CHST15: variants seen among roughly 807,000 people sequenced by gnomAD.
The protein encoded by CHST15 is carbohydrate sulfotransferase 15, also known as B cell RAG associated protein (GALNAC4S-6ST).
CHST15 carries 30 observed loss-of-function variants against 53.6 expected under a neutral mutation model. That is an observed-to-expected ratio of 0.56 (90% CI 0.42 to 0.76). The LOEUF is 0.76. CHST15 is among the 30% of genes least tolerant of loss of function. The pLI, the probability that CHST15 is intolerant of heterozygous loss-of-function variation, is 0.00. For missense variants in CHST15, 627 were observed against 740.5 expected (o/e 0.85, Z 1.78); for synonymous variants, 296 against 289.8 (o/e 1.02, Z -0.22).
intron 6 of CHST15, among the ~76,000 whole-genome samples, chr10:124,017,032 C>T (rs539321617): frequency 6.6e-6 from 1 of 152,246 alleles, no homozygotes; most frequent in South Asian, 2.1e-4. Context: ...AGGGCTTGCC[C>T]CCAGGGCGCT....
In CHST15 at chr10:124,049,683, C is replaced by A. The variant is rs79451998; in HGVS notation, c.-512-2959G>T. ...CACACCCTCCTCCACCATACCTCGC[C>A]CCATGCGTCTCATCTGCTGGCTGTT... On this transcript the variant is annotated intron_variant, in intron 1 of 7. Transcript: ENST00000435907. Among the ~76,000 whole-genome samples the A allele has an allele frequency of 4.8e-3, 731 of 152,300 alleles. 5 individuals are homozygous for A. Among genetic ancestry groups the A allele is most frequent in the Non-Finnish European group, 8.2e-3 (555 of 68,022 alleles).
chr10:124,049,783 T>C (rs1381734084), intron 1 of CHST15, among the ~76,000 whole-genome samples: 1 of 152,198 alleles, frequency 6.6e-6, no homozygotes, highest in Non-Finnish European at 1.5e-5. Flanking sequence ...TCTAGTGAAT[T>C]ACTGAACCTG....
chr10:124,066,118 T>C (rs1948743720), intron 1 of CHST15, among the ~76,000 whole-genome samples: 1 of 152,168 alleles, frequency 6.6e-6, no homozygotes, highest in South Asian at 2.1e-4. Flanking sequence ...AAATACCAGT[T>C]ACCTATCTAA....
chr10:124,052,465 C>T (rs1271162543), intron 1 of CHST15, among the ~76,000 whole-genome samples: 1 of 152,184 alleles, frequency 6.6e-6, no homozygotes, highest in Non-Finnish European at 1.5e-5. Context: ...GATTAGGATT[C>T]CAAGTCCATG....
intron 1 of CHST15, among the ~76,000 whole-genome samples, chr10:124,047,136 C>T (rs752659355): frequency 1.3e-5 from 2 of 152,166 alleles, no homozygotes; most frequent in Non-Finnish European, 2.9e-5. Context: ...CAGTGCTTTT[C>T]AGTCAATGAA....
chr10:124,045,002 G>A lies in CHST15; in HGVS notation c.547-83C>T, dbSNP rs112678770. Reference sequence around the variant, plus strand: ...TCTAACCGCAATGGGAACCTGCCCTGAGACTGACGACCGTGTTCAAATTTG... The same window carrying A: ...TCTAACCGCAATGGGAACCTGCCCTAAGACTGACGACCGTGTTCAAATTTG... On this transcript the variant is annotated intron_variant, in intron 2 of 7. Transcript: ENST00000435907. 1,321 of 864,828 alleles carry A rather than the reference G, an allele frequency of 1.5e-3. 16 individuals are homozygous for A. The African/African-American group carries it at 0.02, about 13-fold the overall frequency. 53.6% of individuals were successfully genotyped at this position (864,828 alleles called of 1,614,324 possible).
At chr10:124,086,447 C>T (rs1284598496) in intron 1 of CHST15, among the ~76,000 whole-genome samples, 2 of 152,288 alleles carry the variant, frequency 1.3e-5, no homozygotes, top group East Asian at 1.9e-4. Flanking sequence ...GGAAGGAGGG[C>T]GTGGACATGA....
At chr10:124,091,763 C>G (rs935400663) in intron 1 of CHST15, among the ~76,000 whole-genome samples, 2 of 151,970 alleles carry the variant, frequency 1.3e-5, no homozygotes, top group Non-Finnish European at 2.9e-5. Context: ...GAAGGGCCCC[C>G]GCCCCCAGGA....
chr10:124,017,192 C>T (rs1002862451), intron 6 of CHST15, among the ~76,000 whole-genome samples: 2 of 152,194 alleles, frequency 1.3e-5, no homozygotes, highest in Non-Finnish European at 2.9e-5. Context: ...TCCCCCCTGC[C>T]CTGCCTCTCC....
intron 5 of CHST15, among the ~76,000 whole-genome samples, chr10:124,033,824 T>G (rs567974430): frequency 5.3e-5 from 8 of 152,326 alleles, no homozygotes; most frequent in African/African-American, 1.7e-4. Context: ...CCCAGCCTGA[T>G]GACAGCTAGG....
chr10:124,086,448 G>A (rs1183363079), intron 1 of CHST15, among the ~76,000 whole-genome samples: 11 of 152,184 alleles, frequency 7.2e-5, no homozygotes, highest in Admixed American at 2.0e-4. Context: ...GAAGGAGGGC[G>A]TGGACATGAC....
intron 1 of CHST15, among the ~76,000 whole-genome samples, chr10:124,064,313 C>G (rs1948684634): frequency 6.6e-6 from 1 of 152,208 alleles, no homozygotes; most frequent in Non-Finnish European, 1.5e-5. Flanking sequence ...GTTTTCAGAC[C>G]TGAAGTCATT....
intron 1 of CHST15, among the ~76,000 whole-genome samples, chr10:124,076,251 G>T (rs1949066249): frequency 6.6e-6 from 1 of 152,194 alleles, no homozygotes; most frequent in Non-Finnish European, 1.5e-5. Flanking sequence ...TTGTATTCAG[G>T]TTTTCTCTTC....
intron 4 of CHST15, among the ~76,000 whole-genome samples, chr10:124,041,250 G>C (rs28584935): frequency 1.3e-5 from 2 of 152,222 alleles, no homozygotes; most frequent in Non-Finnish European, 2.9e-5. Context: ...GTTGCTAATA[G>C]ATTTATTTAA....
In CHST15 at chr10:124,021,248, G is replaced by A. The variant is rs1410565652; in HGVS notation, c.1347+8C>T. 8.9e-6 allele frequency: 11 copies of A among 1,233,514 alleles called. No individual in the cohort carries two copies. The East Asian group carries it at 1.2e-4, about 14-fold the overall frequency. The allele number at this position is 1,233,514 out of a possible 1,614,324, so 76.4% of individuals were successfully genotyped here. On this transcript the variant is annotated splice_region_variant and intron_variant, in intron 6 of 7. Coordinates refer to ENST00000435907, the MANE Select transcript of CHST15 (RefSeq NM_001270764.2). Reference sequence around the variant, plus strand: ...AGCTCGGGGGGTACGGGGGGGGGGGGTACACACAGGCATGGCGTTGTTGAG... The same window carrying A: ...AGCTCGGGGGGTACGGGGGGGGGGGATACACACAGGCATGGCGTTGTTGAG...
chr10:124,067,627 G>T (rs530016043), intron 1 of CHST15, among the ~76,000 whole-genome samples: 6 of 152,166 alleles, frequency 3.9e-5, no homozygotes, highest in Admixed American at 6.5e-5. Flanking sequence ...TGTGTTTTTG[G>T]TTTTTTTGAG....
chr10:124,067,103 T>C (rs1290325069), intron 1 of CHST15, among the ~76,000 whole-genome samples: 1 of 152,224 alleles, frequency 6.6e-6, no homozygotes, highest in Non-Finnish European at 1.5e-5. Context: ...CATCCTGCAC[T>C]TAGTGCTGGG....
At chr10:124,048,241 C>G (rs951902821) in intron 1 of CHST15, among the ~76,000 whole-genome samples, 1 of 152,208 alleles carries the variant, frequency 6.6e-6, no homozygotes, top group South Asian at 2.1e-4. Flanking sequence ...TACAGCTGAA[C>G]TTTTCAGGGC....
chr10:124,067,137 C>G (rs1307148145), intron 1 of CHST15, among the ~76,000 whole-genome samples: 1 of 152,236 alleles, frequency 6.6e-6, no homozygotes, highest in Non-Finnish European at 1.5e-5. Context: ...CTGCAAGTGG[C>G]AGACTTCCAA....
Sources: allele counts gnomAD v4.1 joint callset (sites outside exome capture counted in the v4.1 genomes callset), GRCh38; gene constraint gnomAD v4.1.1; transcripts MANE v1.5; gene names NCBI Gene and HGNC (gene_info 2026-07-23, HGNC 2026-07-21).